AGPAT3: variants seen among roughly 807,000 people sequenced by gnomAD.
AGPAT3 encodes 1-acyl-sn-glycerol-3-phosphate acyltransferase gamma.
AGPAT3 carries 5 observed loss-of-function variants against 47.3 expected under a neutral mutation model. The ratio of observed to expected loss-of-function variants is 0.11; its 90% CI spans 0.06 to 0.22. The LOEUF is 0.22. AGPAT3 is among the 10% of genes least tolerant of loss of function. The pLI, the probability that AGPAT3 is intolerant of heterozygous loss-of-function variation, is 1.00. For missense variants in AGPAT3, 315 were observed against 493.0 expected (o/e 0.64, Z 3.42); for synonymous variants, 212 against 208.3 (o/e 1.02, Z -0.15).
At chr21:43,940,443 C>T (rs1461024694) in intron 2 of AGPAT3, among the ~76,000 whole-genome samples, 3 of 152,336 alleles carry the variant, frequency 2.0e-5, no homozygotes, top group East Asian at 1.9e-4. Flanking sequence ...CCCTGCCTAG[C>T]CCTTTGCAGG....
At chr21:43,975,627 T>G (rs969837081) in intron 7 of AGPAT3, among the ~76,000 whole-genome samples, 1 of 152,256 alleles carries the variant, frequency 6.6e-6, no homozygotes, top group African/African-American at 2.4e-5. Context: ...GCCTGGTCTT[T>G]CCTGCTCTGA....
intron 2 of AGPAT3, among the ~76,000 whole-genome samples, chr21:43,918,713 A>G (rs2086819269): frequency 6.6e-6 from 1 of 151,958 alleles, no homozygotes. Context: ...AGTAGCTGGA[A>G]TTACAGGCGT....
chr21:43,913,573 G>A (rs2086669805), intron 2 of AGPAT3, among the ~76,000 whole-genome samples: 1 of 152,292 alleles, frequency 6.6e-6, no homozygotes, highest in Non-Finnish European at 1.5e-5. Flanking sequence ...GTGACAGAGC[G>A]AGACCCTGTC....
chr21:43,867,706 C>T (rs867967251), intron 1 of AGPAT3: 2 of 152,220 alleles, frequency 1.3e-5, no homozygotes, highest in African/African-American at 2.4e-5. Flanking sequence ...GTTTCTAGAT[C>T]GCAGCGTGGG....
rs1555902163 is a variant in AGPAT3, at chr21:43,920,218, T to TGTAA, written c.-49+16201_-49+16202insAAGT. ...TCATGTCTTCAGCCCTGTGTGTGTGTGTGTGAGAGATTGTGAGTGAGTGTG... is the reference window on the plus strand; with the variant it reads ...TCATGTCTTCAGCCCTGTGTGTGTGTGTAAGTGTGAGAGATTGTGAGTGAGTGTG... On this transcript the variant is annotated intron_variant, in intron 2 of 9. Coordinates refer to ENST00000291572, the MANE Select transcript of AGPAT3 (RefSeq NM_020132.5). The surrounding 1 kb of genome is among the most constrained non-coding windows in gnomAD (Gnocchi z 6.1). Among the ~76,000 whole-genome samples the TGTAA allele has an allele frequency of 6.6e-6, 1 of 151,104 alleles. No individual in the cohort carries two copies. Among genetic ancestry groups the TGTAA allele is most frequent in the Non-Finnish European group, 1.5e-5 (1 of 67,828 alleles).
intron 2 of AGPAT3, among the ~76,000 whole-genome samples, chr21:43,938,316 C>CTTTT (rs57776186): frequency 1.1e-4 from 8 of 70,534 alleles, no homozygotes; most frequent in Non-Finnish European, 2.1e-4. Flanking sequence ...ATCTGCAAAT[C>CTTTT]TTTTTTTTTT....
At chr21:43,944,922 C>T (rs956650620) in intron 2 of AGPAT3, among the ~76,000 whole-genome samples, 1 of 152,218 alleles carries the variant, frequency 6.6e-6, no homozygotes, top group African/African-American at 2.4e-5. Context: ...GGCTTCCCTC[C>T]CCAGCCCGCC....
chr21:43,876,173 GTTTGGTATTC>G (rs1308965652), intron 1 of AGPAT3, among the ~76,000 whole-genome samples: 2 of 151,938 alleles, frequency 1.3e-5, no homozygotes, highest in African/African-American at 4.8e-5. Flanking sequence ...CTCTCCTCTT[GTTTGGTATTC>G]TTTTCCTTAC....
intron 2 of AGPAT3, among the ~76,000 whole-genome samples, chr21:43,951,303 A>G (rs973756688): frequency 6.6e-6 from 1 of 152,244 alleles, no homozygotes; most frequent in African/African-American, 2.4e-5. Flanking sequence ...ACTGAAATCC[A>G]TATGGAACTA....
Position 43,981,023 on chromosome 21 carries a change from T to A in AGPAT3, c.878T>A (p.Met293Lys). ...CAGGAGATATATAATCAGAAGGGCA[T>A]GTTTCCAGGGGAGCAGTTTAAGCCT... ...ALQEIYNQKG[M>K]FPGEQFKPAR... The change falls in exon 9 of 10, where the codon ATG becomes AAG. Residue 293 changes from methionine (M) to lysine (K), a missense_variant. By Grantham distance (95) the Met-to-Lys change is moderately conservative. Coordinates refer to ENST00000291572, the MANE Select transcript of AGPAT3 (RefSeq NM_020132.5). This position sits in a 1 kb window ranked among gnomAD's most constrained non-coding sequence, Gnocchi z 5.3. The A allele has an allele frequency of 6.2e-7, 1 of 1,614,178 alleles. No individual in the cohort carries two copies. The highest frequency in any genetic ancestry group is 8.5e-7 in the Non-Finnish European group (1 of 1,180,028).
intron 1 of AGPAT3, among the ~76,000 whole-genome samples, chr21:43,894,448 CTCA>C: frequency 6.6e-6 from 1 of 151,106 alleles, no homozygotes; most frequent in Non-Finnish European, 1.5e-5. Flanking sequence ...CACTATATGA[CTCA>C]CCCATTTCGA....
intron 1 of AGPAT3, among the ~76,000 whole-genome samples, chr21:43,902,416 A>G (rs1308075207): frequency 1.3e-5 from 2 of 152,214 alleles, no homozygotes; most frequent in Non-Finnish European, 2.9e-5. Context: ...GTCTTTGTCA[A>G]TTTGGGCTGC....
intron 8 of AGPAT3, among the ~76,000 whole-genome samples, chr21:43,979,388 C>G (rs867801640): frequency 6.6e-6 from 1 of 151,596 alleles, no homozygotes; most frequent in Non-Finnish European, 1.5e-5. Context: ...GGCTGAGACT[C>G]GGTCCTGGGC....
chr21:43,955,093 G>A lies in AGPAT3; in HGVS notation c.-48-4541G>A, dbSNP rs1569087759. ...GGTGCCAGCTGCCTGTCGGCAGGGA[G>A]CGTATCACCGTGGCACGTCCATGCC... On this transcript the variant is annotated intron_variant, in intron 2 of 9. Transcript: ENST00000291572. This position sits in a 1 kb window ranked among gnomAD's most constrained non-coding sequence, Gnocchi z 4.1. The A allele has an allele frequency of 1.6e-6, 2 of 1,263,194 alleles. No homozygotes were observed. The highest frequency in any genetic ancestry group is 2.1e-6 in the Non-Finnish European group (2 of 972,132). 78.2% of individuals were successfully genotyped at this position (1,263,194 alleles called of 1,614,324 possible).
At chr21:43,869,185 A>T (rs1043330927) in intron 1 of AGPAT3, among the ~76,000 whole-genome samples, 5 of 152,222 alleles carry the variant, frequency 3.3e-5, no homozygotes, top group Non-Finnish European at 7.3e-5. Context: ...ACGTAAATTC[A>T]TCTATGCTCA....
At chr21:43,924,534 C>T (rs972607351) in intron 2 of AGPAT3, among the ~76,000 whole-genome samples, 4 of 152,222 alleles carry the variant, frequency 2.6e-5, no homozygotes, top group Non-Finnish European at 5.9e-5. Flanking sequence ...AGCACTTTCA[C>T]GAACAGCAGA....
chr21:43,879,492 T>C (rs1391804309), intron 1 of AGPAT3, among the ~76,000 whole-genome samples: 2 of 151,878 alleles, frequency 1.3e-5, no homozygotes, highest in Non-Finnish European at 2.9e-5. Flanking sequence ...CTGGCTGTGC[T>C]GGAGGAGGAG....
At chr21:43,972,320 T>G (rs2089432672) in intron 7 of AGPAT3, among the ~76,000 whole-genome samples, 1 of 152,056 alleles carries the variant, frequency 6.6e-6, no homozygotes, top group African/African-American at 2.4e-5. Context: ...AATTTCATAT[T>G]TTTTTAGTAG....
At chr21:43,897,423 G>A (rs1372613160) in intron 1 of AGPAT3, among the ~76,000 whole-genome samples, 1 of 151,210 alleles carries the variant, frequency 6.6e-6, no homozygotes, top group Non-Finnish European at 1.5e-5. Context: ...TTTTCTATTC[G>A]ACAAAACCGC....
Sources: allele counts gnomAD v4.1 joint callset (sites outside exome capture counted in the v4.1 genomes callset), GRCh38; gene constraint gnomAD v4.1.1; non-coding constraint Gnocchi (gnomAD v3.1); transcripts MANE v1.5; gene names NCBI Gene and HGNC (gene_info 2026-07-23, HGNC 2026-07-21).